Variants in OLFM3 observed in about 807,000 individuals in gnomAD.
OLFM3 encodes noelin-3.
A neutral mutation model predicts 48.6 loss-of-function variants in OLFM3; 20 were observed. That is an observed-to-expected ratio of 0.41 (90% CI 0.29 to 0.60). The LOEUF is 0.60. Among genes scored for constraint, OLFM3 ranks in the 20% least tolerant of loss-of-function variants. OLFM3 has a pLI of 0.28. For missense variants in OLFM3, 437 were observed against 544.3 expected (o/e 0.80, Z 1.96); for synonymous variants, 222 against 198.1 (o/e 1.12, Z -1.01).
intron 1 of OLFM3, among the ~76,000 whole-genome samples, chr1:101,928,161 A>T (rs1411178361): frequency 6.6e-6 from 1 of 152,108 alleles, no homozygotes; most frequent in Non-Finnish European, 1.5e-5. Flanking sequence ...AGACCACATG[A>T]AATCTTTCTT....
chr1:101,903,710 G>C (rs892289836), intron 1 of OLFM3, among the ~76,000 whole-genome samples: 7 of 151,954 alleles, frequency 4.6e-5, no homozygotes, highest in Admixed American at 1.3e-4. Context: ...AACAATCCTT[G>C]AAACCATTTT....
chr1:101,912,714 T>C (rs1658800763), intron 1 of OLFM3, among the ~76,000 whole-genome samples: 1 of 152,210 alleles, frequency 6.6e-6, no homozygotes, highest in South Asian at 2.1e-4. Context: ...ATCTAGATGA[T>C]GCCTTCTACC....
chr1:101,970,538 T>C (rs1660752935), intron 1 of OLFM3, among the ~76,000 whole-genome samples: 1 of 152,198 alleles, frequency 6.6e-6, no homozygotes, highest in South Asian at 2.1e-4. Flanking sequence ...TCTTTCGTAC[T>C]CCTTTTACAA....
intron 1 of OLFM3, among the ~76,000 whole-genome samples, chr1:101,861,783 T>C (rs1246490158): frequency 6.6e-6 from 1 of 152,214 alleles, no homozygotes; most frequent in African/African-American, 2.4e-5. Flanking sequence ...AAATTAATTA[T>C]TTTTCTGAAC....
chr1:101,929,984 T>C (rs1386440431), intron 1 of OLFM3, among the ~76,000 whole-genome samples: 1 of 152,108 alleles, frequency 6.6e-6, no homozygotes, highest in Non-Finnish European at 1.5e-5. Context: ...AAAAGGGTAG[T>C]ATTTGTGCAG....
intron 1 of OLFM3, among the ~76,000 whole-genome samples, chr1:101,949,913 C>T (rs916611806): frequency 1.8e-5 from 2 of 111,872 alleles, no homozygotes; most frequent in African/African-American, 6.8e-5. Context: ...GCCTGGGCAA[C>T]AGAGCAAGAC....
intron 1 of OLFM3, among the ~76,000 whole-genome samples, chr1:101,915,131 C>A (rs945878140): frequency 6.6e-6 from 1 of 152,160 alleles, no homozygotes; most frequent in African/African-American, 2.4e-5. Context: ...GTACGCAATA[C>A]AACATTGCAG....
At chr1:101,923,271 G>T (rs1659158269) in intron 1 of OLFM3, among the ~76,000 whole-genome samples, 1 of 152,096 alleles carries the variant, frequency 6.6e-6, no homozygotes, top group Admixed American at 6.5e-5. Context: ...CTTTGCTTTT[G>T]AATATTTGCT....
intron 1 of OLFM3, among the ~76,000 whole-genome samples, chr1:101,932,716 C>G (rs1469556357): frequency 1.3e-5 from 2 of 152,172 alleles, no homozygotes; most frequent in Non-Finnish European, 2.9e-5. Flanking sequence ...GACAAAGAAC[C>G]AGCATAATAA....
intron 1 of OLFM3, among the ~76,000 whole-genome samples, chr1:101,914,498 C>G (rs1355752415): frequency 6.6e-6 from 1 of 152,162 alleles, no homozygotes; most frequent in Non-Finnish European, 1.5e-5. Flanking sequence ...AGAGCTTAAC[C>G]TGACTTATTT....
chr1:101,855,058 G>C (rs143546877), intron 1 of OLFM3, among the ~76,000 whole-genome samples: 3 of 151,922 alleles, frequency 2.0e-5, no homozygotes, highest in Non-Finnish European at 4.4e-5. Flanking sequence ...TCAAACTTTG[G>C]AGTAAATTAA....
intron 3 of OLFM3, among the ~76,000 whole-genome samples, chr1:101,828,971 T>A (rs1655015480): frequency 6.6e-6 from 1 of 152,198 alleles, no homozygotes; most frequent in Non-Finnish European, 1.5e-5. Context: ...GGGTCACTAG[T>A]ACGAAACCAG....
chr1:101,933,738 G>A (rs570547397), intron 1 of OLFM3, among the ~76,000 whole-genome samples: 1 of 152,010 alleles, frequency 6.6e-6, no homozygotes, highest in Non-Finnish European at 1.5e-5. Context: ...CCTACAAAGG[G>A]AACCCCATCA....
chr1:101,818,389 A>G (rs1210241018), intron 4 of OLFM3, among the ~76,000 whole-genome samples: 4 of 152,182 alleles, frequency 2.6e-5, no homozygotes, highest in African/African-American at 9.6e-5. Flanking sequence ...CTAAGGTTCC[A>G]GAGTTCCAGA....
chr1:101,961,042 A>G (rs1407822603), intron 1 of OLFM3, among the ~76,000 whole-genome samples: 3 of 152,196 alleles, frequency 2.0e-5, no homozygotes, highest in African/African-American at 7.2e-5. Context: ...TATTTGGATA[A>G]CATATGTAAA....
intron 1 of OLFM3, among the ~76,000 whole-genome samples, chr1:101,853,634 A>G (rs934017490): frequency 2.6e-5 from 4 of 152,090 alleles, no homozygotes; most frequent in Non-Finnish European, 5.9e-5. Context: ...GGATAAATGA[A>G]TATGTTACTA....
intron 3 of OLFM3, among the ~76,000 whole-genome samples, chr1:101,829,861 GTCTC>G (rs2100909256): frequency 6.6e-6 from 1 of 151,714 alleles, no homozygotes; most frequent in South Asian, 2.1e-4. Flanking sequence ...TTGAGACGGA[GTCTC>G]TCTCTGTTGC....
At chr1:101,812,812 CTT>C (rs1331014089) in intron 4 of OLFM3, 2 of 991,436 alleles carry the variant, frequency 2.0e-6, no homozygotes, top group African/African-American at 1.7e-5. Flanking sequence ...CTAGTTGACT[CTT>C]TTATTTTGTA....
intron 1 of OLFM3, among the ~76,000 whole-genome samples, chr1:101,989,111 A>C (rs1661329082): frequency 6.6e-6 from 1 of 152,100 alleles, no homozygotes; most frequent in South Asian, 2.1e-4. Context: ...GTTGTACTTG[A>C]GTTGCATCCT....
Sources: gnomAD v4.1 joint callset for allele counts (sites outside exome capture counted in the v4.1 genomes callset) on GRCh38, gnomAD v4.1.1 for gene constraint, MANE v1.5 for transcripts, NCBI Gene and HGNC (gene_info 2026-07-23, HGNC 2026-07-21) for gene names.